The following SCOC variants were observed in gnomAD, a reference collection of about 807,000 sequenced individuals.
SCOC encodes the protein short coiled coil protein.
Under a neutral mutation model 9.9 loss-of-function variants are expected in SCOC, and 7 were observed. That is an observed-to-expected ratio of 0.71 (90% CI 0.40 to 1.33). The LOEUF (loss-of-function observed/expected upper bound fraction) is 1.33, where lower values mean the gene tolerates loss of function less well. SCOC is among the 40% of genes most tolerant of loss of function. The pLI, the probability that SCOC is intolerant of heterozygous loss-of-function variation, is 0.01. For missense variants in SCOC, 66 were observed against 89.7 expected (o/e 0.74, Z 1.07); for synonymous variants, 19 against 28.2 (o/e 0.67, Z 1.03).
chr4:140,359,728 G>A (rs900634919), intron 2 of SCOC, among the ~76,000 whole-genome samples: 1 of 152,186 alleles, frequency 6.6e-6, no homozygotes, highest in African/African-American at 2.4e-5. Flanking sequence ...GGCTGGAGAC[G>A]TGGGATCTAA....
At chr4:140,361,432 G>A (rs1727463584) in intron 2 of SCOC, among the ~76,000 whole-genome samples, 1 of 152,144 alleles carries the variant, frequency 6.6e-6, no homozygotes, top group African/African-American at 2.4e-5. Flanking sequence ...GGAAGGCCAG[G>A]GTGGGAGGAT....
rs1728624007 is a variant in SCOC, at chr4:140,383,270, C to G, written c.*2166C>G. ...TTCCCTTACACAGAAAGTAATCCCT[C>G]TTCATCCAGCTAGTGATTCAGCTCA... On this transcript the variant is annotated 3_prime_UTR_variant, in exon 4 of 4. Coordinates refer to ENST00000608372, the MANE Select transcript of SCOC (RefSeq NM_001153484.2). The G allele has an allele frequency of 6.6e-6, 1 of 152,292 alleles. No homozygotes were observed. The highest frequency in any genetic ancestry group is 2.1e-4 in the South Asian group (1 of 4,832). The allele number at this position is 152,292 out of a possible 1,614,324, so 9.4% of individuals were successfully genotyped here.
At chr4:140,289,402 T>TG (rs1407809315) in intron 1 of SCOC, among the ~76,000 whole-genome samples, 1 of 152,174 alleles carries the variant, frequency 6.6e-6, no homozygotes, top group African/African-American at 2.4e-5. Context: ...GTGTGACAGG[T>TG]GATAGAGTGA....
intron 2 of SCOC, among the ~76,000 whole-genome samples, chr4:140,368,243 A>G (rs1206707443): frequency 1.3e-5 from 2 of 152,250 alleles, no homozygotes; most frequent in Non-Finnish European, 2.9e-5. Context: ...GAGTTTTCTG[A>G]ACCAATCATA....
intron 1 of SCOC, among the ~76,000 whole-genome samples, chr4:140,329,440 A>T (rs148273824): frequency 0.034 from 5,214 of 152,312 alleles, 95 homozygotes; most frequent in South Asian, 0.077. Context: ...AAAAACAAAA[A>T]CAAATAGATG....
upstream of SCOC, among the ~76,000 whole-genome samples, chr4:140,371,275 T>C (rs1240643834): frequency 6.6e-6 from 1 of 152,194 alleles, no homozygotes; most frequent in African/African-American, 2.4e-5. Flanking sequence ...CTTCTGTTTG[T>C]AAAACTTCCA....
At chr4:140,378,325 C>G (rs527520586) in intron 1 of SCOC, among the ~76,000 whole-genome samples, 144 of 151,944 alleles carry the variant, frequency 9.5e-4, no homozygotes, top group Non-Finnish European at 1.9e-3. Context: ...ATACCGTCAT[C>G]CTTAATATCA....
At chr4:140,259,599 C>T (rs1050535730) in intron 1 of SCOC, among the ~76,000 whole-genome samples, 1 of 152,198 alleles carries the variant, frequency 6.6e-6, no homozygotes, top group Non-Finnish European at 1.5e-5. Flanking sequence ...GTCCCAGTTA[C>T]TCAGGAGGCT....
intron 1 of SCOC, among the ~76,000 whole-genome samples, chr4:140,323,078 C>T (rs1732547241): frequency 6.6e-6 from 1 of 152,026 alleles, no homozygotes. Flanking sequence ...ATGTTTGTCC[C>T]CTTCAAATCT....
At chr4:140,278,781 C>G (rs1257680952) in intron 1 of SCOC, among the ~76,000 whole-genome samples, 1 of 152,122 alleles carries the variant, frequency 6.6e-6, no homozygotes, top group East Asian at 1.9e-4. Context: ...TGACAACTAT[C>G]TCCACTCCCT....
chr4:140,353,621 A>G (rs537712150), intron 2 of SCOC, among the ~76,000 whole-genome samples: 44 of 152,064 alleles, frequency 2.9e-4, no homozygotes, highest in African/African-American at 1.1e-3. Context: ...CCAGGTCTCG[A>G]TCTCTTGACC....
At chr4:140,300,542 C>G (rs1731783844) in intron 1 of SCOC, among the ~76,000 whole-genome samples, 1 of 152,220 alleles carries the variant, frequency 6.6e-6, no homozygotes, top group African/African-American at 2.4e-5. Context: ...CAGAACAGCA[C>G]TGGAGAGAAA....
At chr4:140,286,720 A>G (rs1731279912) in intron 1 of SCOC, among the ~76,000 whole-genome samples, 2 of 152,204 alleles carry the variant, frequency 1.3e-5, no homozygotes, top group Admixed American at 1.3e-4. Flanking sequence ...TTGTGGCCCA[A>G]TACTGGGCGG....
At chr4:140,265,174 A>C (rs1730707505) in intron 1 of SCOC, among the ~76,000 whole-genome samples, 1 of 152,218 alleles carries the variant, frequency 6.6e-6, no homozygotes, top group Non-Finnish European at 1.5e-5. Context: ...ATTATAAAAC[A>C]GTTGTTTTAA....
chr4:140,355,209 T>A (rs1043670268), intron 2 of SCOC, among the ~76,000 whole-genome samples: 4 of 10,192 alleles, frequency 3.9e-4, no homozygotes, highest in Admixed American at 1.7e-3. Flanking sequence ...TACATTATAT[T>A]TTTATATATA....
At chr4:140,327,283 A>T (rs1324439919) in intron 1 of SCOC, among the ~76,000 whole-genome samples, 1 of 152,212 alleles carries the variant, frequency 6.6e-6, no homozygotes, top group African/African-American at 2.4e-5. Context: ...CTTTGTCTTC[A>T]GTCTTTGCCT....
At chr4:140,341,983 A>G (rs1726535037), upstream of SCOC, among the ~76,000 whole-genome samples, 1 of 152,142 alleles carries the variant, frequency 6.6e-6, no homozygotes, top group Non-Finnish European at 1.5e-5. Flanking sequence ...GACTTGCATC[A>G]TGGGCTAATG....
At chr4:140,306,362 A>G (rs934684861) in intron 1 of SCOC, among the ~76,000 whole-genome samples, 1 of 152,182 alleles carries the variant, frequency 6.6e-6, no homozygotes, top group African/African-American at 2.4e-5. Context: ...ACAGTTCAAG[A>G]TGAGATTTGG....
intron 2 of SCOC, chr4:140,366,444 T>C: frequency 6.6e-7 from 1 of 1,513,664 alleles, no homozygotes; most frequent in Non-Finnish European, 9.1e-7. Context: ...GCAGGTGCTT[T>C]TTTGGGAGAA....
Sources: allele counts gnomAD v4.1 joint callset (sites outside exome capture counted in the v4.1 genomes callset), GRCh38; gene constraint gnomAD v4.1.1; transcripts MANE v1.5; gene names NCBI Gene and HGNC (gene_info 2026-07-23, HGNC 2026-07-21).